The following CACNA2D3 variants were observed in gnomAD, a reference collection of about 807,000 sequenced individuals.
The protein encoded by CACNA2D3 is voltage-dependent calcium channel subunit alpha-2/delta-3.
A neutral mutation model predicts 160.6 loss-of-function variants in CACNA2D3; 60 were observed. The observed-to-expected ratio is 0.37, with a 90% CI of 0.30 to 0.46. The LOEUF (loss-of-function observed/expected upper bound fraction) is 0.46, where lower values mean the gene tolerates loss of function less well. Ranked by LOEUF, CACNA2D3 falls within the 20% of genes least tolerant of loss-of-function variation. The pLI, the probability that CACNA2D3 is intolerant of heterozygous loss-of-function variation, is 1.00. For synonymous variants in CACNA2D3, 558 were observed against 492.9 expected, an observed-to-expected ratio of 1.13 and a Z score of -1.75; for missense variants, 1,205 against 1,365.0, an observed-to-expected ratio of 0.88 and a Z score of 1.85.
At chr3:54,530,075 A>G (rs1036363746) in intron 5 of CACNA2D3, among the ~76,000 whole-genome samples, 1 of 152,168 alleles carries the variant, frequency 6.6e-6, no homozygotes, top group African/African-American at 2.4e-5. Context: ...TGCCCAGGTC[A>G]AAGTCGTGGG....
At chr3:54,475,085 A>G (rs1456262428) in intron 4 of CACNA2D3, among the ~76,000 whole-genome samples, 1 of 152,184 alleles carries the variant, frequency 6.6e-6, no homozygotes, top group African/African-American at 2.4e-5. Flanking sequence ...TACCTTGCAC[A>G]TTGCGTCAAG....
At chr3:54,883,522 G>A (rs1339449492) in intron 21 of CACNA2D3, among the ~76,000 whole-genome samples, 1 of 152,120 alleles carries the variant, frequency 6.6e-6, no homozygotes, top group East Asian at 1.9e-4. Flanking sequence ...AGATCTTCCC[G>A]ATAGATCTCA....
Position 54,320,473 on chromosome 3 carries a change from TA to T in CACNA2D3, c.237del (p.Ile79MetfsTer10). On this transcript the variant is annotated frameshift_variant, in exon 3 of 38. Transcript: ENST00000474759. LOFTEE classifies it high-confidence loss of function. Reference protein sequence around the residue: ...KYKEYEKDVAIEEIDGLQLVK... With the variant: ...KYKEYEKDVAXEEIDGLQLVK... ...AAAGAGTATGAGAAAGACGTTGCCA[TA>T]GAAGAAATTGATGGCCTCCAACTGG... 1 of 1,561,082 alleles carries T rather than the reference TA, an allele frequency of 6.4e-7. No individual in the cohort carries two copies. The highest frequency in any genetic ancestry group is 1.4e-5 in the African/African-American group (1 of 73,638).
At chr3:54,374,497 C>G (rs923068990) in intron 3 of CACNA2D3, among the ~76,000 whole-genome samples, 2 of 152,208 alleles carry the variant, frequency 1.3e-5, no homozygotes, top group Non-Finnish European at 2.9e-5. Flanking sequence ...AACACACACT[C>G]TTAGTCACAA....
intron 14 of CACNA2D3, among the ~76,000 whole-genome samples, chr3:54,822,787 T>TTTCC (rs750562346): frequency 6.4e-4 from 45 of 70,710 alleles, no homozygotes; most frequent in South Asian, 1.2e-3. Flanking sequence ...TCTTTCTTTC[T>TTTCC]TTCCTTTCTT....
At chr3:54,566,521 C>G (rs1702411408) in intron 6 of CACNA2D3, among the ~76,000 whole-genome samples, 1 of 152,148 alleles carries the variant, frequency 6.6e-6, no homozygotes, top group Non-Finnish European at 1.5e-5. Context: ...CTGGCCAATT[C>G]TTAGCTTTAT....
At chr3:54,441,428 C>T (rs201254445) in intron 4 of CACNA2D3, among the ~76,000 whole-genome samples, 36 of 115,742 alleles carry the variant, frequency 3.1e-4, no homozygotes, top group African/African-American at 7.2e-4. Context: ...TTCTCCCATT[C>T]CGTAGGTTGC....
intron 35 of CACNA2D3, among the ~76,000 whole-genome samples, chr3:55,070,908 C>T (rs1704790423): frequency 6.6e-6 from 1 of 152,090 alleles, no homozygotes; most frequent in Non-Finnish European, 1.5e-5. Context: ...GAATGTGTTG[C>T]AGTTCCCTGT....
chr3:55,021,615 A>G lies in CACNA2D3; in HGVS notation c.2987+3298A>G, dbSNP rs28588058. Among the ~76,000 whole-genome samples the G allele has an allele frequency of 0.012, 1,346 of 111,230 alleles. 35 individuals carry two copies. In the East Asian group the frequency reaches 0.14, roughly 12 times the overall value. The allele number at this position is 111,230 out of a possible 152,430, so 73.0% of individuals were successfully genotyped here. On this transcript the variant is annotated intron_variant, in intron 35 of 37. Transcript: ENST00000474759. ...ATCTCTAAATTATATATATATATATATGTGTGTGTGTATATATATATATAT... is the reference window on the plus strand; with the variant it reads ...ATCTCTAAATTATATATATATATATGTGTGTGTGTGTATATATATATATAT...
At chr3:54,243,677 T>C (rs1702014927) in intron 2 of CACNA2D3, among the ~76,000 whole-genome samples, 1 of 152,188 alleles carries the variant, frequency 6.6e-6, no homozygotes, top group Non-Finnish European at 1.5e-5. Flanking sequence ...CTCCCTGCTA[T>C]ACATACAGCG....
intron 3 of CACNA2D3, among the ~76,000 whole-genome samples, chr3:54,377,244 C>T (rs146186557): frequency 1.3e-5 from 2 of 152,312 alleles, no homozygotes; most frequent in Non-Finnish European, 2.9e-5. Flanking sequence ...ACAGATTTTA[C>T]CTCTGGAACT....
intron 2 of CACNA2D3, among the ~76,000 whole-genome samples, chr3:54,253,898 G>T (rs1001949087): frequency 6.6e-6 from 1 of 152,018 alleles, no homozygotes; most frequent in African/African-American, 2.4e-5. Flanking sequence ...CTCCCGAGTA[G>T]CTGGGATTAT....
rs771333317 is a variant in CACNA2D3 at position 54,925,258 on chromosome 3, A to G, written c.2449+25390A>G. On this transcript the variant is annotated intron_variant, in intron 27 of 37. Coordinates refer to ENST00000474759, the MANE Select transcript of CACNA2D3 (RefSeq NM_018398.3). ...AAATTGGGATAGGAACCAGTTTGTG[A>G]GGTGTGGTATCAGCACTTTTCCGCC... 35 of 1,516,830 alleles carry G rather than the reference A, an allele frequency of 2.3e-5. No homozygotes were observed. In the East Asian group the frequency reaches 7.9e-4, roughly 34 times the overall value. The allele number at this position is 1,516,830 out of a possible 1,614,324, so 94.0% of individuals were successfully genotyped here.
chr3:54,899,903 A>G lies in CACNA2D3; in HGVS notation c.2449+35A>G, dbSNP rs569453063. ...TGATTGAATCCATGAAGACAAAGTA[A>G]GCATGGCGCCCATTCATCCGGCCAG... On this transcript the variant is annotated intron_variant, in intron 27 of 37. Transcript: ENST00000474759. The G allele has an allele frequency of 5.5e-5, 80 of 1,454,586 alleles. 1 individual carries two copies. In the South Asian group the frequency reaches 8.2e-4, roughly 15 times the overall value. The allele number at this position is 1,454,586 out of a possible 1,614,324, so 90.1% of individuals were successfully genotyped here. A position where few individuals can be genotyped will look rare whatever the true frequency, so the allele number is the denominator to read the frequency against.
At chr3:54,873,933 GT>G (rs1699601637) in intron 18 of CACNA2D3, among the ~76,000 whole-genome samples, 1 of 152,206 alleles carries the variant, frequency 6.6e-6, no homozygotes, top group African/African-American at 2.4e-5. Flanking sequence ...ACATATCCAT[GT>G]GCTGGGCCTT....
At position 54,753,053 on chromosome 3, in the gene CACNA2D3, G is replaced by A. The variant is rs562833821; in HGVS notation, c.1246+376G>A. ...TTTTTGTATTTTTAGTAGAGACGGG[G>A]TTTCGCCATGTTGGCCAGGCTGGTC... On this transcript the variant is annotated intron_variant, in intron 12 of 37. Coordinates refer to ENST00000474759, the MANE Select transcript of CACNA2D3 (RefSeq NM_018398.3). Among the ~76,000 whole-genome samples, 240 of 152,100 alleles carry A rather than the reference G, an allele frequency of 1.6e-3. 2 individuals carry two copies. The highest frequency in any genetic ancestry group is 1.9e-3 in the Non-Finnish European group (129 of 68,002).
At chr3:54,549,402 TGC>T (rs1391681979) in intron 5 of CACNA2D3, among the ~76,000 whole-genome samples, 4 of 152,186 alleles carry the variant, frequency 2.6e-5, no homozygotes, top group Non-Finnish European at 5.9e-5. Flanking sequence ...GCCGAGATCG[TGC>T]CACTGCAGTC....
chr3:54,552,029 C>T (rs1301782196), intron 5 of CACNA2D3, among the ~76,000 whole-genome samples: 3 of 152,170 alleles, frequency 2.0e-5, no homozygotes, highest in Non-Finnish European at 4.4e-5. Flanking sequence ...GAATCAGAAG[C>T]CTCTTGGAAT....
intron 29 of CACNA2D3, among the ~76,000 whole-genome samples, chr3:54,983,349 G>A (rs1205129966): frequency 6.6e-6 from 1 of 152,084 alleles, no homozygotes; most frequent in African/African-American, 2.4e-5. Flanking sequence ...CATAAGGCTG[G>A]TGGCTACCAT....
Sources: gnomAD v4.1 joint callset for allele counts (sites outside exome capture counted in the v4.1 genomes callset) on GRCh38, gnomAD v4.1.1 for gene constraint, MANE v1.5 for transcripts, NCBI Gene and HGNC (gene_info 2026-07-23, HGNC 2026-07-21) for gene names.